The following COL6A5 variants were observed in gnomAD, a reference collection of about 807,000 sequenced individuals.
COL6A5 encodes collagen alpha-5(VI) chain.
COL6A5 carries 48 observed loss-of-function variants against 65.6 expected under a neutral mutation model. The observed-to-expected ratio is 0.73, with a 90% CI of 0.58 to 0.93. The LOEUF (loss-of-function observed/expected upper bound fraction) is 0.93. Among genes scored for constraint, COL6A5 ranks in the 40% least tolerant of loss-of-function variants. The pLI is 0.00. For missense variants in COL6A5, 914 were observed against 928.3 expected (o/e 0.98, Z 0.20); for synonymous variants, 291 against 322.8 (o/e 0.90, Z 1.05).
chr3:130,469,545 C>G (rs2107614886), intron 6 of COL6A5, 64 bp downstream of exon 38: 1 of 1,280,104 alleles, frequency 7.8e-7, no homozygotes, highest in East Asian at 2.4e-5. Flanking sequence ...TACAGTCCAT[C>G]AGCAGACTTA....
At position 130,368,147 on chromosome 3, in the gene COL6A5, C is replaced by T. The variant is rs571080913; in HGVS notation, c.-28-5464C>T. Reference sequence around the variant, plus strand: ...GGAACCAGGATGGTTTACACAGCCTCTCCTGCTACAGCAGGCTCCCTGGGA... The same window carrying T: ...GGAACCAGGATGGTTTACACAGCCTTTCCTGCTACAGCAGGCTCCCTGGGA... On this transcript the variant is annotated intron_variant and NMD_transcript_variant, in intron 1 of 41. Coordinates refer to the COL6A5 transcript ENST00000312481. Among the ~76,000 whole-genome samples the T allele has an allele frequency of 2.9e-4, 44 of 152,338 alleles. 1 individual carries two copies. The South Asian group carries it at 8.9e-3, about 31-fold the overall frequency.
intron 25 of COL6A5, among the ~76,000 whole-genome samples, chr3:130,419,586 A>T (rs1208508746): frequency 1.3e-5 from 2 of 152,168 alleles, no homozygotes; most frequent in East Asian, 1.9e-4. Context: ...TTCAGCCTTT[A>T]AAAAGAAGAA....
At chr3:130,422,901 T>C (rs1412465721) in intron 28 of COL6A5, 119 bp downstream of exon 28, 2 of 572,332 alleles carry the variant, frequency 3.5e-6, no homozygotes, top group South Asian at 2.8e-5. Context: ...TGCCACTTGC[T>C]AGCTGTGACC....
chr3:130,415,165 G>A (rs150915039), intron 22 of COL6A5, among the ~76,000 whole-genome samples: 199 of 152,216 alleles, frequency 1.3e-3, no homozygotes, highest in African/African-American at 4.7e-3. Context: ...TGAGATAACC[G>A]CATGAGAACC....
chr3:130,385,085 A>T, exon 5 of COL6A5: 1 of 1,551,022 alleles, frequency 6.4e-7, no homozygotes, highest in Non-Finnish European at 8.7e-7. Flanking sequence ...TCTGGATTAC[A>T]TACTGCAAAT....
chr3:130,469,457 A>G, exon 6 of COL6A5: 1 of 1,612,192 alleles, frequency 6.2e-7, no homozygotes, highest in Non-Finnish European at 8.5e-7. Context: ...CAAGTTTGTC[A>G]AGCCATTTGT....
chr3:130,482,494 G>A (rs1181474449), intron 7 of COL6A5, among the ~76,000 whole-genome samples: 2 of 152,092 alleles, frequency 1.3e-5, no homozygotes, highest in Admixed American at 1.3e-4. Context: ...CTCCAGCTTT[G>A]TTCTTTTTGC....
intron 28 of COL6A5, 53 bp downstream of exon 28, chr3:130,422,835 C>T (rs1376961097): frequency 1.7e-6 from 2 of 1,147,558 alleles, no homozygotes; most frequent in East Asian, 5.6e-5. Context: ...CAGACTTTGG[C>T]TTTTATGTTA....
chr3:130,445,498 A>C (rs1709284062), intron 4 of COL6A5, among the ~76,000 whole-genome samples: 1 of 152,176 alleles, frequency 6.6e-6, no homozygotes, highest in African/African-American at 2.4e-5. Context: ...GTTGGAGGTA[A>C]GTAAGGCAGA....
At chr3:130,483,017 C>G (rs1049979312) in intron 7 of COL6A5, among the ~76,000 whole-genome samples, 9 of 152,148 alleles carry the variant, frequency 5.9e-5, no homozygotes, top group Non-Finnish European at 1.0e-4. Flanking sequence ...ATCAGACTAA[C>G]AGCAGATCTC....
At chr3:130,419,843 T>G (rs1337316414) in intron 25 of COL6A5, among the ~76,000 whole-genome samples, 1 of 152,130 alleles carries the variant, frequency 6.6e-6, no homozygotes, top group Non-Finnish European at 1.5e-5. Context: ...TTGTATATCA[T>G]GGTGACTACA....
intron 4 of COL6A5, among the ~76,000 whole-genome samples, chr3:130,444,808 T>G (rs1289175890): frequency 6.6e-6 from 1 of 152,162 alleles, no homozygotes; most frequent in Non-Finnish European, 1.5e-5. Flanking sequence ...TAAGTGAGCT[T>G]GAGAGGATTC....
intron 5 of COL6A5, among the ~76,000 whole-genome samples, chr3:130,459,194 G>A (rs534294164): frequency 7.2e-5 from 11 of 152,140 alleles, no homozygotes; most frequent in South Asian, 4.2e-4. Flanking sequence ...ACTGATGTTC[G>A]TTTCAATGAG....
chr3:130,396,204 G>A (rs1385733572), intron 8 of COL6A5, among the ~76,000 whole-genome samples: 1 of 152,220 alleles, frequency 6.6e-6, no homozygotes, highest in African/African-American at 2.4e-5. Flanking sequence ...AGCATGTAAG[G>A]AAGCAGTAGC....
chr3:130,471,099 T>TGC (rs1192223508), intron 7 of COL6A5, 132 bp downstream of exon 39: 1 of 672,946 alleles, frequency 1.5e-6, no homozygotes, highest in African/African-American at 1.8e-5. Context: ...TGTGTGTGTG[T>TGC]GTTTTAAATG....
intron 4 of COL6A5, among the ~76,000 whole-genome samples, chr3:130,450,648 G>A (rs538911894): frequency 1.1e-4 from 17 of 152,264 alleles, no homozygotes; most frequent in Admixed American, 5.9e-4. Flanking sequence ...GCTAACATAC[G>A]AAGGAGAATG....
chr3:130,483,708 T>G (rs1710308418), intron 7 of COL6A5, among the ~76,000 whole-genome samples: 1 of 152,132 alleles, frequency 6.6e-6, no homozygotes, highest in Admixed American at 6.6e-5. Context: ...TTAGGGGGAT[T>G]CTGGGCAAAA....
At chr3:130,359,413 A>G (rs1018321915) in intron 1 of COL6A5, among the ~76,000 whole-genome samples, 24 of 152,140 alleles carry the variant, frequency 1.6e-4, no homozygotes, top group African/African-American at 5.5e-4. Flanking sequence ...AAAAAAAATT[A>G]GAAGAAAAAT....
intron 1 of COL6A5, among the ~76,000 whole-genome samples, chr3:130,362,344 T>TGCA (rs1935171448): frequency 8.3e-6 from 1 of 120,368 alleles, no homozygotes; most frequent in African/African-American, 3.1e-5. Flanking sequence ...TTTTTTTTTT[T>TGCA]TTTGCATGTG....
Sources: gnomAD v4.1 joint callset for allele counts (sites outside exome capture counted in the v4.1 genomes callset) on GRCh38, gnomAD v4.1.1 for gene constraint, MANE v1.5 for transcripts, NCBI Gene and HGNC (gene_info 2026-07-23, HGNC 2026-07-21) for gene names.